The following CNTN5 variants were observed in gnomAD, a reference collection of about 807,000 sequenced individuals.
CNTN5 encodes the protein contactin 5.
Under a neutral mutation model 129.1 loss-of-function variants are expected in CNTN5, and 77 were observed. The ratio of observed to expected loss-of-function variants is 0.60; its 90% CI spans 0.50 to 0.72. CNTN5 has a LOEUF of 0.72. CNTN5 is among the 30% of genes least tolerant of loss of function. The probability of loss-of-function intolerance (pLI) is 0.00; values close to 1 mark genes in which losing one functional copy is unlikely to be tolerated. For synonymous variants in CNTN5, 509 were observed against 465.6 expected, an observed-to-expected ratio of 1.09 and a Z score of -1.20; for missense variants, 1,478 against 1,328.8, an observed-to-expected ratio of 1.11 and a Z score of -1.75.
intron 2 of CNTN5, among the ~76,000 whole-genome samples, chr11:99,334,047 A>C (rs565062134): frequency 1.3e-5 from 2 of 152,096 alleles, no homozygotes; most frequent in African/African-American, 4.8e-5. Flanking sequence ...GAATGAAATC[A>C]AGAGCTGAAA....
At chr11:99,798,197 A>G (rs1243704210) in intron 3 of CNTN5, among the ~76,000 whole-genome samples, 3 of 152,092 alleles carry the variant, frequency 2.0e-5, no homozygotes, top group Non-Finnish European at 4.4e-5. Context: ...CTTACAAGTT[A>G]GAAGATGCGG....
At chr11:99,840,577 G>T (rs937433036) in intron 4 of CNTN5, among the ~76,000 whole-genome samples, 1 of 151,650 alleles carries the variant, frequency 6.6e-6, no homozygotes, top group South Asian at 2.1e-4. Flanking sequence ...AACCACTGAC[G>T]TTGTATGTTC....
chr11:99,371,792 C>T (rs1939841046), intron 2 of CNTN5, among the ~76,000 whole-genome samples: 1 of 152,156 alleles, frequency 6.6e-6, no homozygotes, highest in South Asian at 2.1e-4. Flanking sequence ...ACACACACCC[C>T]ATACCAAAAG....
intron 15 of CNTN5, among the ~76,000 whole-genome samples, chr11:100,201,169 C>T (rs758253073): frequency 6.6e-6 from 1 of 151,898 alleles, no homozygotes; most frequent in Non-Finnish European, 1.5e-5. Context: ...CACCTAACTC[C>T]AAGTTACTTT....
chr11:99,875,229 A>T (rs1948602147), intron 6 of CNTN5, among the ~76,000 whole-genome samples: 1 of 152,138 alleles, frequency 6.6e-6, no homozygotes, highest in Non-Finnish European at 1.5e-5. Flanking sequence ...CTTTAACTTC[A>T]TCTCACATAC....
intron 7 of CNTN5, among the ~76,000 whole-genome samples, chr11:99,947,575 A>C (rs188218228): frequency 5.2e-4 from 79 of 152,272 alleles, no homozygotes; most frequent in African/African-American, 1.9e-3. Context: ...ATATAAGAAT[A>C]AGTTGAGGGG....
At chr11:99,154,116 G>T (rs1271852145) in intron 1 of CNTN5, among the ~76,000 whole-genome samples, 1 of 152,140 alleles carries the variant, frequency 6.6e-6, no homozygotes, top group Non-Finnish European at 1.5e-5. Context: ...GATGATCTGT[G>T]CTTGCTTGCA....
chr11:99,298,743 A>G (rs901849094), intron 1 of CNTN5, among the ~76,000 whole-genome samples: 1 of 152,112 alleles, frequency 6.6e-6, no homozygotes, highest in African/African-American at 2.4e-5. Flanking sequence ...CCCAAAAAAC[A>G]TCACCCTAAT....
intron 3 of CNTN5, among the ~76,000 whole-genome samples, chr11:99,650,919 A>C (rs2135879484): frequency 6.6e-6 from 1 of 152,054 alleles, no homozygotes; most frequent in South Asian, 2.1e-4. Context: ...ACAGTTCAAT[A>C]ATGTTCTTAT....
chr11:99,746,047 G>C (rs1044915632), intron 3 of CNTN5, among the ~76,000 whole-genome samples: 3 of 152,136 alleles, frequency 2.0e-5, no homozygotes, highest in African/African-American at 7.2e-5. Flanking sequence ...GCTCTTTTAA[G>C]ATCAGATGTG....
chr11:99,723,024 A>G (rs530889295), intron 3 of CNTN5, among the ~76,000 whole-genome samples: 15 of 152,064 alleles, frequency 9.9e-5, no homozygotes, highest in Admixed American at 2.6e-4. Context: ...CATGCACTCT[A>G]GTGTTTCAAC....
chr11:99,519,645 G>C (rs1947196383), intron 2 of CNTN5, among the ~76,000 whole-genome samples: 1 of 151,910 alleles, frequency 6.6e-6, no homozygotes, highest in South Asian at 2.1e-4. Context: ...TATTAAAACA[G>C]TTATTAATAG....
intron 1 of CNTN5, among the ~76,000 whole-genome samples, chr11:99,224,376 A>G (rs953361480): frequency 2.0e-5 from 3 of 152,214 alleles, no homozygotes; most frequent in Non-Finnish European, 2.9e-5. Context: ...ATATGGTAGC[A>G]CAAGTAAACT....
chr11:100,294,496 A>G (rs940780692), intron 18 of CNTN5, among the ~76,000 whole-genome samples: 3 of 151,732 alleles, frequency 2.0e-5, no homozygotes, highest in Admixed American at 2.0e-4. Context: ...CTTTGCTCAG[A>G]AAGAAATTCA....
chr11:100,329,636 A>G (rs1951861745), intron 21 of CNTN5, among the ~76,000 whole-genome samples: 1 of 152,178 alleles, frequency 6.6e-6, no homozygotes, highest in Non-Finnish European at 1.5e-5. Flanking sequence ...CCTGAAGATG[A>G]CTCACATCAC....
chr11:99,659,820 A>G (rs545648592), intron 3 of CNTN5, among the ~76,000 whole-genome samples: 4 of 152,342 alleles, frequency 2.6e-5, no homozygotes, highest in Admixed American at 6.5e-5. Context: ...ATGTAATGAC[A>G]TATTTGACCA....
At chr11:99,438,543 T>A (rs936330552) in intron 2 of CNTN5, among the ~76,000 whole-genome samples, 7 of 151,296 alleles carry the variant, frequency 4.6e-5, no homozygotes, top group Admixed American at 4.6e-4. Context: ...TCTCTTCATA[T>A]CTCTCTCTCT....
At chr11:99,349,561 T>C (rs1938146100) in intron 2 of CNTN5, among the ~76,000 whole-genome samples, 3 of 152,190 alleles carry the variant, frequency 2.0e-5, no homozygotes, top group Middle Eastern at 3.2e-3. Context: ...TTAACCTTTA[T>C]TTATTATAAA....
chr11:99,071,292 C>T (rs900916599), intron 1 of CNTN5, among the ~76,000 whole-genome samples: 7 of 151,944 alleles, frequency 4.6e-5, no homozygotes, highest in African/African-American at 1.5e-4. Flanking sequence ...TTTTGTTTCC[C>T]TGTCATGTAA....
Sources: allele counts gnomAD v4.1 joint callset (sites outside exome capture counted in the v4.1 genomes callset), GRCh38; gene constraint gnomAD v4.1.1; transcripts MANE v1.5; gene names NCBI Gene and HGNC (gene_info 2026-07-23, HGNC 2026-07-21).